Variants in ATRN observed in about 807,000 individuals in gnomAD.
ATRN encodes the protein attractin.
A neutral mutation model predicts 178.7 loss-of-function variants in ATRN; 54 were observed. The observed-to-expected ratio is 0.30, with a 90% CI of 0.24 to 0.38. The LOEUF (loss-of-function observed/expected upper bound fraction) is 0.38, where lower values mean the gene tolerates loss of function less well. Among genes scored for constraint, ATRN ranks in the 10% least tolerant of loss-of-function variants. The pLI is 1.00. For synonymous variants in ATRN, 636 were observed against 663.0 expected, an observed-to-expected ratio of 0.96 and a Z score of 0.63; for missense variants, 1,443 against 1,815.1, an observed-to-expected ratio of 0.79 and a Z score of 3.73.
At chr20:3,487,441 C>T (rs2084710920) in intron 1 of ATRN, among the ~76,000 whole-genome samples, 1 of 152,130 alleles carries the variant, frequency 6.6e-6, no homozygotes, top group Non-Finnish European at 1.5e-5. Flanking sequence ...CCATCTTGGC[C>T]AGGCTGGTCT....
chr20:3,593,870 G>A (rs1425182735), intron 19 of ATRN, among the ~76,000 whole-genome samples: 1 of 152,212 alleles, frequency 6.6e-6, no homozygotes, highest in Admixed American at 6.5e-5. Flanking sequence ...GATAAAAGGA[G>A]AGATGTTGAG....
intron 1 of ATRN, among the ~76,000 whole-genome samples, chr20:3,517,076 C>T (rs13038563): frequency 5.3e-5 from 8 of 152,192 alleles, no homozygotes; most frequent in East Asian, 1.9e-4. Context: ...TCTTCCACAA[C>T]GGTTGAACTA....
chr20:3,472,269 A>G (rs987048856), intron 1 of ATRN, among the ~76,000 whole-genome samples: 3 of 152,266 alleles, frequency 2.0e-5, no homozygotes, highest in Non-Finnish European at 4.4e-5. Flanking sequence ...CAGTTGTGCA[A>G]TGATTTTCCA....
At chr20:3,474,503 C>T (rs994144295) in intron 1 of ATRN, among the ~76,000 whole-genome samples, 11 of 148,294 alleles carry the variant, frequency 7.4e-5, no homozygotes, top group Non-Finnish European at 1.0e-4. Flanking sequence ...GTCAGGAGAT[C>T]GAGACCATCC....
At chr20:3,639,416 C>G (rs959364495) in intron 27 of ATRN, among the ~76,000 whole-genome samples, 1 of 152,068 alleles carries the variant, frequency 6.6e-6, no homozygotes, top group Non-Finnish European at 1.5e-5. Flanking sequence ...CCACGCCCAG[C>G]TGATTTTTGT....
chr20:3,490,375 G>C (rs1328200850), intron 1 of ATRN: 1 of 986,878 alleles, frequency 1.0e-6, no homozygotes, highest in Non-Finnish European at 1.6e-6. Context: ...CTCAAACTCA[G>C]CCTGAATCTT....
At chr20:3,518,175 G>A (rs929241015) in intron 1 of ATRN, among the ~76,000 whole-genome samples, 1 of 152,170 alleles carries the variant, frequency 6.6e-6, no homozygotes, top group Non-Finnish European at 1.5e-5. Flanking sequence ...TGTCCAGGAT[G>A]TTGGCAATCC....
intron 28 of ATRN, among the ~76,000 whole-genome samples, chr20:3,646,227 GA>G (rs1341371812): frequency 2.0e-5 from 3 of 152,194 alleles, no homozygotes; most frequent in African/African-American, 7.2e-5. Flanking sequence ...GTATGGAATG[GA>G]AGTGACTAAT....
chr20:3,543,804 A>G (rs911282342), intron 3 of ATRN, among the ~76,000 whole-genome samples: 81 of 152,212 alleles, frequency 5.3e-4, no homozygotes, highest in African/African-American at 1.8e-3. Context: ...AGGCCGAGGC[A>G]GGAGAATTAC....
chr20:3,604,081 T>A, intron 23 of ATRN, 24 bp from the exon 24 acceptor site: 1 of 1,555,990 alleles, frequency 6.4e-7, no homozygotes, highest in Middle Eastern at 1.7e-4. Flanking sequence ...ATGTCTCTTC[T>A]CTTTCATGTT....
At chr20:3,564,588 T>A (rs1407788614) in intron 10 of ATRN, among the ~76,000 whole-genome samples, 1 of 152,198 alleles carries the variant, frequency 6.6e-6, no homozygotes, top group African/African-American at 2.4e-5. Context: ...ATCTATGGGA[T>A]CTAGGAAAGG....
intron 25 of ATRN, chr20:3,628,780 A>T: frequency 1.7e-6 from 1 of 598,092 alleles, no homozygotes; most frequent in Non-Finnish European, 2.1e-6. Flanking sequence ...CAACCAACTG[A>T]CTGCTTCATG....
rs1320933969 is a variant in ATRN, at chr20:3,497,701, G to A, written c.410+26184G>A. Among the ~76,000 whole-genome samples the A allele has an allele frequency of 2.6e-5, 4 of 152,172 alleles. No homozygotes were observed. In the East Asian group the frequency reaches 7.7e-4, roughly 29 times the overall value. ...TTCTCTGTATTTCCTGAATCTGAAT[G>A]TTGGCCTGCCTTGCTAGATTGGGGA... On this transcript the variant is annotated intron_variant, in intron 1 of 28. Coordinates refer to ENST00000262919, the MANE Select transcript of ATRN (RefSeq NM_139321.3).
chr20:3,571,295 T>G (rs908350197), intron 11 of ATRN, among the ~76,000 whole-genome samples: 6 of 152,192 alleles, frequency 3.9e-5, no homozygotes, highest in African/African-American at 1.2e-4. Flanking sequence ...CAAGGTCTGA[T>G]TTTTCACAAA....
At chr20:3,564,541 G>A (rs1378843346) in intron 10 of ATRN, among the ~76,000 whole-genome samples, 4 of 152,180 alleles carry the variant, frequency 2.6e-5, no homozygotes, top group Admixed American at 6.5e-5. Context: ...CAGAAGAGAA[G>A]TTGCTAGTAT....
At chr20:3,507,358 G>A (rs931356661) in intron 1 of ATRN, among the ~76,000 whole-genome samples, 15 of 150,506 alleles carry the variant, frequency 1.0e-4, no homozygotes, top group African/African-American at 3.4e-4. Flanking sequence ...GCGGTGAACC[G>A]AGATCGCGCC....
intron 25 of ATRN, among the ~76,000 whole-genome samples, chr20:3,633,333 A>G (rs577028596): frequency 1.6e-4 from 25 of 152,272 alleles, no homozygotes; most frequent in Admixed American, 1.4e-3. Context: ...GCCTTGAGAT[A>G]AGGGCAGTTC....
In ATRN at chr20:3,632,433, A is replaced by G. The variant is rs537028347; in HGVS notation, c.3864-1878A>G. 1.3e-5 allele frequency among the ~76,000 whole-genome samples: 2 copies of G among 151,620 alleles called. No individual in the cohort carries two copies. The highest frequency in any genetic ancestry group is 3.9e-4 in the East Asian group (2 of 5,140). On this transcript the variant is annotated intron_variant, in intron 25 of 28. Coordinates refer to ENST00000262919, the MANE Select transcript of ATRN (RefSeq NM_139321.3). This position sits in a 1 kb window ranked among gnomAD's most constrained non-coding sequence, Gnocchi z 4.2. ...TCTGCCTTTGTCTCTGGCCTTACAC[A>G]CCCCACTCCAAACATGCTGGCCTCC...
intron 24 of ATRN, among the ~76,000 whole-genome samples, chr20:3,617,485 T>C (rs988323510): frequency 5.9e-5 from 9 of 152,174 alleles, no homozygotes; most frequent in Non-Finnish European, 8.8e-5. Context: ...AGGTTCATTA[T>C]AGTGCTCTTT....
Sources: allele counts gnomAD v4.1 joint callset (sites outside exome capture counted in the v4.1 genomes callset), GRCh38; gene constraint gnomAD v4.1.1; non-coding constraint Gnocchi (gnomAD v3.1); transcripts MANE v1.5; gene names NCBI Gene and HGNC (gene_info 2026-07-23, HGNC 2026-07-21).